Variants in UBASH3B observed in about 807,000 individuals in gnomAD.
The protein encoded by UBASH3B is ubiquitin-associated and SH3 domain-containing protein B.
Under a neutral mutation model 83.4 loss-of-function variants are expected in UBASH3B, and 37 were observed. That is an observed-to-expected ratio of 0.44 (90% CI 0.34 to 0.58). The LOEUF (loss-of-function observed/expected upper bound fraction) is 0.58, where lower values mean the gene tolerates loss of function less well. Ranked by LOEUF, UBASH3B falls within the 20% of genes least tolerant of loss-of-function variation. The probability of loss-of-function intolerance (pLI) is 0.01; values close to 1 mark genes in which losing one functional copy is unlikely to be tolerated. For synonymous variants in UBASH3B, 304 were observed against 318.3 expected, an observed-to-expected ratio of 0.96 and a Z score of 0.48; for missense variants, 657 against 827.2, an observed-to-expected ratio of 0.79 and a Z score of 2.52.
At chr11:122,768,508 G>GTGTGTGTGTGTGTATA (rs557159523) in intron 1 of UBASH3B, among the ~76,000 whole-genome samples, 39 of 134,394 alleles carry the variant, frequency 2.9e-4, no homozygotes, top group South Asian at 1.3e-3. Context: ...GTGTGTGTGT[G>GTGTGTGTGTGTGTATA]TATATATATA....
At chr11:122,769,096 G>C (rs1860601088) in intron 1 of UBASH3B, among the ~76,000 whole-genome samples, 2 of 152,128 alleles carry the variant, frequency 1.3e-5, no homozygotes, top group African/African-American at 4.8e-5. Flanking sequence ...GGATTATTTG[G>C]CTCTCAGTTC....
chr11:122,776,913 C>T (rs569587944), intron 2 of UBASH3B, 111 bp from the exon 3 acceptor site: 33 of 1,040,002 alleles, frequency 3.2e-5, no homozygotes, highest in Admixed American at 2.9e-4. Context: ...AACCCTTCCC[C>T]GCGCTGTGCC....
At chr11:122,666,854 C>T (rs1021316017) in intron 1 of UBASH3B, among the ~76,000 whole-genome samples, 7 of 151,878 alleles carry the variant, frequency 4.6e-5, no homozygotes, top group African/African-American at 1.7e-4. Context: ...CCCTTCTTTT[C>T]ACTTTCTCTT....
intron 1 of UBASH3B, among the ~76,000 whole-genome samples, chr11:122,702,527 G>A (rs1184671347): frequency 1.3e-5 from 2 of 151,562 alleles, no homozygotes; most frequent in Non-Finnish European, 2.9e-5. Context: ...AAAATCACCA[G>A]GTTTTTTTTT....
chr11:122,744,440 C>T (rs560728465), intron 1 of UBASH3B, among the ~76,000 whole-genome samples: 1 of 152,014 alleles, frequency 6.6e-6, no homozygotes, highest in East Asian at 1.9e-4. Context: ...CGGTGTGTGG[C>T]TGTGTGAGTG....
At chr11:122,735,876 A>C (rs1044826832) in intron 1 of UBASH3B, among the ~76,000 whole-genome samples, 1 of 152,206 alleles carries the variant, frequency 6.6e-6, no homozygotes, top group African/African-American at 2.4e-5. Context: ...GGACACCATC[A>C]TGGAGCACCT....
At chr11:122,761,113 G>C (rs991794610) in intron 1 of UBASH3B, among the ~76,000 whole-genome samples, 2 of 152,192 alleles carry the variant, frequency 1.3e-5, no homozygotes, top group Non-Finnish European at 2.9e-5. Flanking sequence ...GAGAGTGTCA[G>C]TTGGCAGGGC....
At chr11:122,750,808 T>A (rs1861187655) in intron 1 of UBASH3B, among the ~76,000 whole-genome samples, 1 of 151,996 alleles carries the variant, frequency 6.6e-6, no homozygotes, top group Non-Finnish European at 1.5e-5. Context: ...GAACATAGAG[T>A]CCCCTCCTTC....
intron 1 of UBASH3B, among the ~76,000 whole-genome samples, chr11:122,705,469 A>G (rs1864105787): frequency 6.6e-6 from 1 of 151,836 alleles, no homozygotes; most frequent in Admixed American, 6.6e-5. Flanking sequence ...AAAAAAAAAA[A>G]AAGAAAAAAA....
At chr11:122,737,255 A>G (rs1860949093) in intron 1 of UBASH3B, among the ~76,000 whole-genome samples, 3 of 152,182 alleles carry the variant, frequency 2.0e-5, no homozygotes, top group African/African-American at 7.2e-5. Flanking sequence ...TATTTGGAGA[A>G]TAAATTGGAA....
chr11:122,709,768 G>A (rs1387474192), intron 1 of UBASH3B, among the ~76,000 whole-genome samples: 1 of 152,172 alleles, frequency 6.6e-6, no homozygotes, highest in Non-Finnish European at 1.5e-5. Context: ...AGTTCTGGAA[G>A]AGATTATCAC....
At chr11:122,803,551 G>T (rs1387474573) in intron 11 of UBASH3B, among the ~76,000 whole-genome samples, 1 of 151,994 alleles carries the variant, frequency 6.6e-6, no homozygotes, top group Non-Finnish European at 1.5e-5. Context: ...GCCTGGGGGG[G>T]TTGAAAACAA....
chr11:122,697,241 C>T (rs1030558104), intron 1 of UBASH3B, among the ~76,000 whole-genome samples: 1 of 152,164 alleles, frequency 6.6e-6, no homozygotes, highest in Non-Finnish European at 1.5e-5. Flanking sequence ...TTCAATTGCG[C>T]TTTCCAATCG....
chr11:122,774,329 T>C (rs1565559917), intron 1 of UBASH3B: 1 of 982,414 alleles, frequency 1.0e-6, no homozygotes, highest in Non-Finnish European at 1.2e-6. Context: ...TCCTGATCAT[T>C]TGGTATCTGT....
chr11:122,764,557 C>T (rs185651281), intron 1 of UBASH3B, among the ~76,000 whole-genome samples: 61 of 152,342 alleles, frequency 4.0e-4, no homozygotes, highest in African/African-American at 1.3e-3. Flanking sequence ...CCTTGGCTTG[C>T]GCAGCTCTTA....
At position 122,812,964 on chromosome 11, in the gene UBASH3B, C is replaced by T. The variant is rs891850410; in HGVS notation, c.*3078C>T. The T allele has an allele frequency of 2.6e-5, 4 of 152,554 alleles. No individual in the cohort carries two copies. Among genetic ancestry groups the T allele is most frequent in the Non-Finnish European group, 4.4e-5 (3 of 68,028 alleles). The allele number at this position is 152,554 out of a possible 1,614,324, so 9.5% of individuals were successfully genotyped here. A position where few individuals can be genotyped will look rare whatever the true frequency, so the allele number is the denominator to read the frequency against. On this transcript the variant is annotated 3_prime_UTR_variant, in exon 14 of 14. Transcript: ENST00000284273. ...GAATCTGAATGGCTGATTAAATGGCCATCTGATGGCTGAAAGAGGGGCGTA... is the reference window on the plus strand; with the variant it reads ...GAATCTGAATGGCTGATTAAATGGCTATCTGATGGCTGAAAGAGGGGCGTA...
intron 11 of UBASH3B, among the ~76,000 whole-genome samples, chr11:122,804,905 A>G (rs902294023): frequency 2.6e-5 from 4 of 152,246 alleles, no homozygotes; most frequent in Non-Finnish European, 4.4e-5. Context: ...AACAACATAG[A>G]AACTCTACAT....
intron 5 of UBASH3B, among the ~76,000 whole-genome samples, chr11:122,786,934 G>A (rs965783200): frequency 4.6e-5 from 7 of 152,152 alleles, no homozygotes; most frequent in Non-Finnish European, 8.8e-5. Flanking sequence ...TGTAACCTTA[G>A]CTGTGCCTCA....
chr11:122,709,411 G>T (rs10790521), intron 1 of UBASH3B: 47,395 of 152,066 alleles, frequency 0.31, 8,373 homozygotes, highest in East Asian at 0.68. Flanking sequence ...AGGTTTGGGG[G>T]AAAAGCTGAG....
Sources: allele counts gnomAD v4.1 joint callset (sites outside exome capture counted in the v4.1 genomes callset), GRCh38; gene constraint gnomAD v4.1.1; transcripts MANE v1.5; gene names NCBI Gene and HGNC (gene_info 2026-07-23, HGNC 2026-07-21).